The following ELFN1 variants were observed in gnomAD, a reference collection of about 807,000 sequenced individuals.
ELFN1 encodes protein ELFN1.
Under a neutral mutation model 7.6 loss-of-function variants are expected in ELFN1, and 6 were observed. The ratio of observed to expected loss-of-function variants is 0.79; its 90% confidence interval spans 0.43 to 1.56. ELFN1 has a LOEUF of 1.56. ELFN1 is among the 40% of genes most tolerant of loss of function. ELFN1 has a pLI of 0.01. For synonymous variants in ELFN1, 657 were observed against 588.1 expected (o/e 1.12, Z -1.70); for missense variants, 1,169 against 1,232.2 (o/e 0.95, Z 0.77).
chr7:1,721,519 C>T (rs1244274759), intron 3 of ELFN1, among the ~76,000 whole-genome samples: 1 of 152,238 alleles, frequency 6.6e-6, no homozygotes, highest in Non-Finnish European at 1.5e-5. Flanking sequence ...CTTTAAACGC[C>T]TTGTCGGCTG....
chr7:1,667,725 G>A (rs1778691296), upstream of ELFN1, among the ~76,000 whole-genome samples: 1 of 152,122 alleles, frequency 6.6e-6, no homozygotes, highest in African/African-American at 2.4e-5. The surrounding 1 kb of genome is among the most constrained non-coding windows in gnomAD (Gnocchi z 8.2). Context: ...CCGGGACTCC[G>A]CCGCCCTCCA....
chr7:1,733,067 A>G (rs1780357480), intron 3 of ELFN1, among the ~76,000 whole-genome samples: 1 of 151,938 alleles, frequency 6.6e-6, no homozygotes, highest in South Asian at 2.1e-4. Context: ...CGCCCGGCTA[A>G]TTTTTGTATT....
intron 2 of ELFN1, chr7:1,693,860 A>AG: frequency 2.2e-6 from 1 of 448,270 alleles, no homozygotes; most frequent in South Asian, 1.6e-5. Context: ...CAGAGGCTCC[A>AG]GCAGGAGTGA....
At chr7:1,732,940 A>G (rs1270753174) in intron 3 of ELFN1, among the ~76,000 whole-genome samples, 2 of 152,098 alleles carry the variant, frequency 1.3e-5, no homozygotes, top group Admixed American at 6.6e-5. Context: ...TCACTCTGTC[A>G]CCCAGGCTGG....
Position 1,746,623 on chromosome 7 carries a change from C to T in ELFN1, c.2027C>T (p.Ala676Val), listed in dbSNP as rs558785983. The change falls in exon 4 of 4, where the codon GCG (alanine) becomes GTG (valine). Residue 676 changes from alanine (A) to valine (V), a missense_variant. By Grantham distance (64) the Ala-to-Val change is moderately conservative. This residue lies in a region of ELFN1 where 914 missense variants were observed against 872.6 expected (regional missense o/e 1.05). Coordinates refer to ENST00000424383, the MANE Select transcript of ELFN1 (RefSeq NM_001128636.4). The part of the protein sequence containing the change: ...EAKYIEKGSP[A>V]ADAILTVTPA... ...AAGTACATCGAGAAGGGCTCCCCCG[C>T]GGCCGACGCCATCCTCACTGTGACA... is the stretch of plus-strand genomic sequence containing the variant. 324 of 1,349,762 alleles carry T rather than the reference C, an allele frequency of 2.4e-4. 1 individual carries two copies. The African/African-American group carries it at 4.2e-3, about 18-fold the overall frequency. The allele number at this position is 1,349,762 out of a possible 1,614,324, so 83.6% of individuals were successfully genotyped here.
chr7:1,723,190 A>G (rs944865902), intron 3 of ELFN1, among the ~76,000 whole-genome samples: 1 of 152,198 alleles, frequency 6.6e-6, no homozygotes, highest in Non-Finnish European at 1.5e-5. Flanking sequence ...GTGAAACTCC[A>G]TCTCAAAAAA....
chr7:1,676,245 C>A (rs949287599), intron 1 of ELFN1, among the ~76,000 whole-genome samples: 4 of 152,232 alleles, frequency 2.6e-5, no homozygotes, highest in African/African-American at 9.7e-5. Context: ...CCTCTGCCCT[C>A]CTCACTGACA....
At chr7:1,697,672 C>A (rs1779346857) in intron 2 of ELFN1, among the ~76,000 whole-genome samples, 1 of 152,236 alleles carries the variant, frequency 6.6e-6, no homozygotes, top group Admixed American at 6.5e-5. Flanking sequence ...CCACTTCCTG[C>A]CCCCACCCCT....
intron 2 of ELFN1, among the ~76,000 whole-genome samples, chr7:1,699,112 T>C (rs1779374107): frequency 6.6e-6 from 1 of 152,250 alleles, no homozygotes; most frequent in Non-Finnish European, 1.5e-5. Flanking sequence ...TTAGATGTGA[T>C]GGCGGTTCCT....
At position 1,744,539 on chromosome 7, in the gene ELFN1, G is replaced by GC; in HGVS notation, c.-52dup. ...CCATCCCTCTGGGGGCTGGCGCCTG[G>GC]CCCCCCACCTGGTCCCCCTGGGCAG... is the stretch of plus-strand genomic sequence containing the variant. On this transcript the variant is annotated 5_prime_UTR_variant, in exon 4 of 4. Coordinates refer to ENST00000424383, the MANE Select transcript of ELFN1 (RefSeq NM_001128636.4). The GC allele has an allele frequency of 2.1e-6, 3 of 1,433,630 alleles. No homozygotes were observed. Among genetic ancestry groups the GC allele is most frequent in the Non-Finnish European group, 2.7e-6 (3 of 1,099,048 alleles). The allele number at this position is 1,433,630 out of a possible 1,614,324, so 88.8% of individuals were successfully genotyped here. A position where few individuals can be genotyped will look rare whatever the true frequency, so the allele number is the denominator to read the frequency against.
At chr7:1,678,516 C>T (rs1202377100) in intron 1 of ELFN1, among the ~76,000 whole-genome samples, 1 of 152,216 alleles carries the variant, frequency 6.6e-6, no homozygotes, top group Non-Finnish European at 1.5e-5. Flanking sequence ...AGGCTCACGG[C>T]TCACATGTGC....
chr7:1,702,121 T>G (rs116563825), intron 2 of ELFN1, among the ~76,000 whole-genome samples: 129 of 152,248 alleles, frequency 8.5e-4, no homozygotes, highest in African/African-American at 3.0e-3. Flanking sequence ...TGTCATTATC[T>G]GATGGAAGAA....
At chr7:1,710,381 A>G (rs1448780111) in intron 3 of ELFN1, among the ~76,000 whole-genome samples, 1 of 152,196 alleles carries the variant, frequency 6.6e-6, no homozygotes, top group African/African-American at 2.4e-5. Flanking sequence ...TCTCAGGAAG[A>G]CAAGTTGAAC....
At chr7:1,726,317 C>G (rs1780195608) in intron 3 of ELFN1, among the ~76,000 whole-genome samples, 2 of 152,224 alleles carry the variant, frequency 1.3e-5, no homozygotes, top group African/African-American at 4.8e-5. Context: ...CTGCACCGTG[C>G]CTCTCCAAAC....
chr7:1,681,638 T>C (rs1488632855), intron 1 of ELFN1, among the ~76,000 whole-genome samples: 1 of 152,218 alleles, frequency 6.6e-6, no homozygotes, highest in Non-Finnish European at 1.5e-5. Context: ...TGTGTGCCAC[T>C]GTGCCCGGCC....
intron 3 of ELFN1, among the ~76,000 whole-genome samples, chr7:1,742,861 T>A (rs1487044267): frequency 6.6e-6 from 1 of 152,192 alleles, no homozygotes; most frequent in East Asian, 1.9e-4. Context: ...ATCATTATAT[T>A]TTTTTTCTCT....
chr7:1,668,930 C>A (rs1778711110), upstream of ELFN1, among the ~76,000 whole-genome samples: 1 of 152,202 alleles, frequency 6.6e-6, no homozygotes, highest in Non-Finnish European at 1.5e-5. Context: ...CACTGGCTTT[C>A]GTCCTAGCAC....
chr7:1,743,166 C>T (rs1029980540), intron 3 of ELFN1, among the ~76,000 whole-genome samples: 1 of 152,182 alleles, frequency 6.6e-6, no homozygotes, highest in Admixed American at 6.5e-5. Context: ...TCTGCAGGGT[C>T]CTTCCTGCCT....
intron 1 of ELFN1, among the ~76,000 whole-genome samples, chr7:1,677,676 A>G (rs1424935232): frequency 2.0e-5 from 3 of 151,440 alleles, no homozygotes; most frequent in Non-Finnish European, 4.4e-5. Context: ...CTTGGACACC[A>G]CAGTGGGCAG....
Sources: gnomAD v4.1 joint callset for allele counts (sites outside exome capture counted in the v4.1 genomes callset) on GRCh38, gnomAD v4.1.1 for gene constraint, gnomAD v4.1.1 regional missense constraint, Gnocchi (gnomAD v3.1) non-coding constraint, MANE v1.5 for transcripts, NCBI Gene and HGNC (gene_info 2026-07-23, HGNC 2026-07-21) for gene names.